Variants in MYH9 observed in about 807,000 individuals in gnomAD.
The protein encoded by MYH9 is myosin heavy chain 9.
Under a neutral mutation model 241.9 loss-of-function variants are expected in MYH9, and 29 were observed. The ratio of observed to expected loss-of-function variants is 0.12; its 90% confidence interval spans 0.09 to 0.16. The LOEUF (loss-of-function observed/expected upper bound fraction) is 0.16, where lower values mean the gene tolerates loss of function less well. MYH9 is among the 10% of genes least tolerant of loss of function. The pLI, the probability that MYH9 is intolerant of heterozygous loss-of-function variation, is 1.00. For synonymous variants in MYH9, 1,047 were observed against 1,062.6 expected, an observed-to-expected ratio of 0.99 and a Z score of 0.29; for missense variants, 1,803 against 2,595.5, an observed-to-expected ratio of 0.69 and a Z score of 6.63.
chr22:36,372,768 T>C (rs1603484537), intron 1 of MYH9, among the ~76,000 whole-genome samples: 1 of 151,984 alleles, frequency 6.6e-6, no homozygotes, highest in African/African-American at 2.4e-5. Context: ...GTGCCCTCGG[T>C]GGGGTGGGGA....
At position 36,293,678 on chromosome 22, in the gene MYH9, T is replaced by C; in HGVS notation, c.3942+81A>G. The C allele has an allele frequency of 7.2e-7, 1 of 1,395,542 alleles. No individual in the cohort carries two copies. The highest frequency in any genetic ancestry group is 1.0e-6 in the Non-Finnish European group (1 of 995,516). 86.4% of individuals were successfully genotyped at this position (1,395,542 alleles called of 1,614,324 possible). ...ATGAAGGAGAGGATGGGCAATCCGA[T>C]GGGCTCTGAAGCTAATGTTGCGTGG... On this transcript the variant is annotated intron_variant, in intron 29 of 40. Coordinates refer to ENST00000216181, the MANE Select transcript of MYH9 (RefSeq NM_002473.6). This position sits in a 1 kb window ranked among gnomAD's most constrained non-coding sequence, Gnocchi z 5.1.
intron 12 of MYH9, 55 bp from the exon 13 acceptor site, chr22:36,314,373 C>T: frequency 4.4e-6 from 7 of 1,603,636 alleles, no homozygotes; most frequent in Non-Finnish European, 6.0e-6. Flanking sequence ...TAAAGAGGCC[C>T]AGACACCCCT....
intron 21 of MYH9, 38 bp from the exon 22 acceptor site, chr22:36,301,095 C>G (rs1173797524): frequency 1.3e-6 from 2 of 1,580,360 alleles, no homozygotes; most frequent in Non-Finnish European, 1.7e-6. Context: ...CTCCTCGCAA[C>G]ACCCTCAAGC....
intron 1 of MYH9, among the ~76,000 whole-genome samples, chr22:36,368,349 A>G (rs953391458): frequency 3.9e-5 from 6 of 152,180 alleles, no homozygotes; most frequent in African/African-American, 1.4e-4. Flanking sequence ...TTGCTGAAGG[A>G]CACACAGGCA....
At chr22:36,324,772 T>C (rs2146367637) in intron 5 of MYH9, among the ~76,000 whole-genome samples, 1 of 152,348 alleles carries the variant, frequency 6.6e-6, no homozygotes, top group Admixed American at 6.5e-5. Flanking sequence ...TGGGGCAACC[T>C]ACTCCCTCAC....
chr22:36,311,320 A>G (rs2017059946), intron 14 of MYH9, among the ~76,000 whole-genome samples: 1 of 152,188 alleles, frequency 6.6e-6, no homozygotes, highest in Non-Finnish European at 1.5e-5. Flanking sequence ...ACTGTGGCAG[A>G]CTTGGCAACA....
chr22:36,369,613 G>C (rs1017899930), intron 1 of MYH9, among the ~76,000 whole-genome samples: 1 of 152,234 alleles, frequency 6.6e-6, no homozygotes, highest in African/African-American at 2.4e-5. Flanking sequence ...TCTTAGGATG[G>C]AACAGGGAGG....
At chr22:36,379,456 C>G (rs2018221800) in intron 1 of MYH9, among the ~76,000 whole-genome samples, 1 of 152,182 alleles carries the variant, frequency 6.6e-6, no homozygotes. Context: ...GTGCAGTGAG[C>G]TGAGATCGCG....
intron 24 of MYH9, among the ~76,000 whole-genome samples, chr22:36,297,576 A>G (rs2016808183): frequency 6.6e-6 from 1 of 152,212 alleles, no homozygotes; most frequent in Non-Finnish European, 1.5e-5. Flanking sequence ...CGTGATGGTT[A>G]TTCCCTGCCG....
chr22:36,329,781 G>A lies in MYH9; in HGVS notation c.491-2293C>T, dbSNP rs1198216621. On this transcript the variant is annotated intron_variant, in intron 3 of 40. Coordinates refer to ENST00000216181, the MANE Select transcript of MYH9 (RefSeq NM_002473.6). The surrounding 1 kb of genome is among the most constrained non-coding windows in gnomAD (Gnocchi z 4.1). Reference sequence around the variant, plus strand: ...GGCATGCACACAGAGGCGCACGCACGCACAAGGGCATGGACACACACATAG... The same window carrying A: ...GGCATGCACACAGAGGCGCACGCACACACAAGGGCATGGACACACACATAG... Among the ~76,000 whole-genome samples, 2 of 152,192 alleles carry A rather than the reference G, an allele frequency of 1.3e-5. No homozygotes were observed.
Position 36,300,705 on chromosome 22 carries a change from A to G in MYH9, c.2838+146T>C, listed in dbSNP as rs1028517711. 5 of 877,406 alleles carry G rather than the reference A, an allele frequency of 5.7e-6. No homozygotes were observed. Among genetic ancestry groups the G allele is most frequent in the Non-Finnish European group, 9.1e-6 (5 of 549,270 alleles). 54.4% of individuals were successfully genotyped at this position (877,406 alleles called of 1,614,324 possible). ...CACAAACTACCAGCCCAAAGGGAAC[A>G]CCTCTCACTGAGAGCCCCAAGCAGA... is the stretch of plus-strand genomic sequence containing the variant. On this transcript the variant is annotated intron_variant, in intron 22 of 40. Transcript: ENST00000216181. This position sits in a 1 kb window ranked among gnomAD's most constrained non-coding sequence, Gnocchi z 5.0.
chr22:36,370,695 T>C (rs938398160), intron 1 of MYH9, among the ~76,000 whole-genome samples: 3 of 152,086 alleles, frequency 2.0e-5, no homozygotes, highest in African/African-American at 4.8e-5. Context: ...CCAAGAACAA[T>C]TGGCTCACAG....
chr22:36,308,882 A>C, intron 15 of MYH9: 3 of 984,914 alleles, frequency 3.0e-6, no homozygotes, highest in Non-Finnish European at 3.6e-6. Context: ...TGCAACAGAG[A>C]GGTTAAAGCA....
rs772035912 is a variant in MYH9 at position 36,285,664 on chromosome 22, G to A, written c.5268C>T (p.Asn1756=). ...ELINDRLKKA[N]LQIDQINTDL... The stretch of plus-strand genomic sequence containing the variant: ...GAGAAGTCCTGGCACCCACCTGCAG[G>A]TTGGCCTTCTTCAGCCGGTCGTTGA... Residue 1756 remains asparagine (N), a synonymous_variant, in exon 37 of 41, where the codon AAC becomes AAT. Coordinates refer to ENST00000216181, the MANE Select transcript of MYH9 (RefSeq NM_002473.6). The surrounding 1 kb of genome is among the most constrained non-coding windows in gnomAD (Gnocchi z 7.0). 1.2e-5 allele frequency: 20 copies of A among 1,612,354 alleles called. No individual in the cohort carries two copies. Among genetic ancestry groups the A allele is most frequent in the Non-Finnish European group, 1.6e-5 (19 of 1,180,004 alleles).
intron 19 of MYH9, among the ~76,000 whole-genome samples, chr22:36,303,442 A>C (rs890631309): frequency 6.6e-6 from 1 of 151,384 alleles, no homozygotes; most frequent in African/African-American, 2.4e-5. Context: ...AGGCAAATCC[A>C]AGCAGAGTCA....
chr22:36,307,602 A>G (rs1460159684), intron 15 of MYH9, among the ~76,000 whole-genome samples: 1 of 152,220 alleles, frequency 6.6e-6, no homozygotes, highest in African/African-American at 2.4e-5. Flanking sequence ...TTAAAATGGG[A>G]GGTGGCTGGG....
rs141582478 is a variant in MYH9, at chr22:36,293,863, C to G, written c.3838G>C (p.Val1280Leu). ...ELADKVTKLQ[V>L]ELDNVTGLLS... ...AGCCCGGTCACGTTGTCCAGCTCCA[C>G]CTGCACCGGGCGGGGAGACACAAAG... is the stretch of plus-strand genomic sequence containing the variant. The change falls in exon 29 of 41, where the codon GTG becomes CTG. Residue 1280 changes from valine to leucine, a missense_variant and splice_region_variant. By Grantham distance (32) the Val-to-Leu change is conservative. Transcript: ENST00000216181. The surrounding 1 kb of genome is among the most constrained non-coding windows in gnomAD (Gnocchi z 5.1). 9.3e-6 allele frequency: 15 copies of G among 1,612,702 alleles called. 1 individual carries two copies. In the South Asian group the frequency reaches 1.7e-4, roughly 18 times the overall value.
rs966637024 is a variant in MYH9, at chr22:36,285,303, G to A, written c.5301C>T (p.Asn1767=). 14 of 1,612,086 alleles carry A rather than the reference G, an allele frequency of 8.7e-6. No individual in the cohort carries two copies. The highest frequency in any genetic ancestry group is 1.2e-5 in the Non-Finnish European group (14 of 1,180,032). Residue 1767 remains asparagine (N), a synonymous_variant, in exon 38 of 41, where the codon AAC becomes AAT. Coordinates refer to ENST00000216181, the MANE Select transcript of MYH9 (RefSeq NM_002473.6). This position sits in a 1 kb window ranked among gnomAD's most constrained non-coding sequence, Gnocchi z 7.0. ...LQIDQINTDL[N]LERSHAQKNE... ...TCTTCTGGGCGTGGCTGCGCTCCAG[G>A]TTCAGGTCGGTGTTGATCTGGTCGA...
At position 36,306,096 on chromosome 22, in the gene MYH9, A is replaced by G. The variant is rs753866542; in HGVS notation, c.2038-45T>C. The G allele has an allele frequency of 6.2e-7, 1 of 1,610,112 alleles. No homozygotes were observed. The highest frequency in any genetic ancestry group is 1.7e-5 in the Admixed American group (1 of 60,022). ...CATGCGGTCTCACTTCCGTGCCTAG[A>G]ACAGTCGGAGAATAGTCAGGGAACC... On this transcript the variant is annotated intron_variant, in intron 16 of 40. Transcript: ENST00000216181. This position sits in a 1 kb window ranked among gnomAD's most constrained non-coding sequence, Gnocchi z 4.1.
Sources: gnomAD v4.1 joint callset for allele counts (sites outside exome capture counted in the v4.1 genomes callset) on GRCh38, gnomAD v4.1.1 for gene constraint, Gnocchi (gnomAD v3.1) non-coding constraint, MANE v1.5 for transcripts, NCBI Gene and HGNC (gene_info 2026-07-23, HGNC 2026-07-21) for gene names.